Variants in ROBO1 observed in about 807,000 individuals in gnomAD.
ROBO1 encodes the protein roundabout guidance receptor 1, also known as roundabout homolog 1.
ROBO1 carries 149 observed loss-of-function variants against 195.9 expected under a neutral mutation model. That is an observed-to-expected ratio of 0.76 (90% CI 0.67 to 0.87). The LOEUF is 0.87. Among genes scored for constraint, ROBO1 ranks in the 40% least tolerant of loss-of-function variants. The pLI is 0.00. For missense variants in ROBO1, 1,933 were observed against 2,068.3 expected (o/e 0.93, Z 1.27); for synonymous variants, 816 against 733.2 (o/e 1.11, Z -1.82).
At chr3:79,334,354 A>G (rs950529972) in intron 2 of ROBO1, among the ~76,000 whole-genome samples, 2 of 146,352 alleles carry the variant, frequency 1.4e-5, no homozygotes, top group Admixed American at 6.9e-5. Flanking sequence ...GTATATATGT[A>G]TATATATATG....
chr3:79,000,005 T>G (rs1302853320), intron 3 of ROBO1, among the ~76,000 whole-genome samples: 1 of 152,154 alleles, frequency 6.6e-6, no homozygotes, highest in African/African-American at 2.4e-5. Context: ...TTCTAATTAT[T>G]CATATGCCTT....
At chr3:78,612,891 C>T (rs1226523106) in intron 28 of ROBO1, among the ~76,000 whole-genome samples, 1 of 152,106 alleles carries the variant, frequency 6.6e-6, no homozygotes, top group Non-Finnish European at 1.5e-5. Flanking sequence ...TTCAGATTAA[C>T]TTTTGGCTTC....
In ROBO1 at chr3:78,925,120, T is replaced by A. The variant is rs189904946; in HGVS notation, c.499+13481A>T. Reference sequence around the variant, plus strand: ...TAAACTTTTACACTATACATTTAGCTATAATGTTAATGAATACTTTTTTCT... The same window carrying A: ...TAAACTTTTACACTATACATTTAGCAATAATGTTAATGAATACTTTTTTCT... On this transcript the variant is annotated intron_variant, in intron 4 of 30. Coordinates refer to ENST00000464233, the MANE Select transcript of ROBO1 (RefSeq NM_002941.4). Among the ~76,000 whole-genome samples the A allele has an allele frequency of 3.6e-3, 541 of 152,292 alleles. 4 individuals are homozygous for A. The highest frequency in any genetic ancestry group is 0.012 in the African/African-American group (509 of 41,582).
At chr3:79,086,533 TAAG>T (rs1425318046) in intron 3 of ROBO1, among the ~76,000 whole-genome samples, 3 of 152,150 alleles carry the variant, frequency 2.0e-5, no homozygotes, top group East Asian at 1.9e-4. Context: ...ACATTATCTA[TAAG>T]AATACCTGAG....
At chr3:78,608,125 C>CT (rs1007316910) in intron 28 of ROBO1, among the ~76,000 whole-genome samples, 4 of 151,842 alleles carry the variant, frequency 2.6e-5, no homozygotes, top group Non-Finnish European at 5.9e-5. Flanking sequence ...AATTTCTTCC[C>CT]TTTTTTGGAG....
At chr3:79,736,172 G>A (rs1703378208) in intron 1 of ROBO1, among the ~76,000 whole-genome samples, 1 of 152,128 alleles carries the variant, frequency 6.6e-6, no homozygotes, top group Non-Finnish European at 1.5e-5. Flanking sequence ...AAAATCTGGA[G>A]AGAAGCATTT....
intron 3 of ROBO1, among the ~76,000 whole-genome samples, chr3:79,063,827 CTTT>C (rs1465287968): frequency 6.6e-6 from 1 of 151,568 alleles, no homozygotes; most frequent in Non-Finnish European, 1.5e-5. Context: ...AAAATGAAAA[CTTT>C]TTAAGGCACA....
chr3:79,439,807 CT>C (rs1229328203), intron 2 of ROBO1, among the ~76,000 whole-genome samples: 1 of 151,992 alleles, frequency 6.6e-6, no homozygotes, highest in African/African-American at 2.4e-5. Context: ...TATGTTCATT[CT>C]TAGTTGGAGA....
intron 2 of ROBO1, among the ~76,000 whole-genome samples, chr3:79,202,844 T>C (rs1358824480): frequency 6.6e-6 from 1 of 152,162 alleles, no homozygotes; most frequent in East Asian, 1.9e-4. Context: ...TTGTTTTTCA[T>C]TCACAAGCTA....
intron 7 of ROBO1, 42 bp from the exon 8 acceptor site, chr3:78,714,566 A>G (rs1294484394): frequency 3.8e-6 from 6 of 1,571,976 alleles, no homozygotes; most frequent in African/African-American, 1.4e-5. Flanking sequence ...GTGACTTTCT[A>G]CTTGAAAGAT....
chr3:78,961,575 T>C (rs1449749353), intron 3 of ROBO1, among the ~76,000 whole-genome samples: 3 of 152,180 alleles, frequency 2.0e-5, no homozygotes, highest in Admixed American at 6.5e-5. Flanking sequence ...CATTCTGAAG[T>C]GGGCACTATT....
At chr3:78,843,551 A>T (rs999803137) in intron 4 of ROBO1, among the ~76,000 whole-genome samples, 4 of 152,122 alleles carry the variant, frequency 2.6e-5, no homozygotes, top group Non-Finnish European at 4.4e-5. Context: ...ACAAACAGGT[A>T]TCAGATGAAC....
intron 3 of ROBO1, among the ~76,000 whole-genome samples, chr3:78,961,898 C>A (rs1366885437): frequency 6.6e-6 from 1 of 151,000 alleles, no homozygotes. Flanking sequence ...TTCATAGTCA[C>A]AGTACTTGGG....
chr3:79,191,830 T>C (rs529317271), intron 2 of ROBO1, among the ~76,000 whole-genome samples: 10 of 151,614 alleles, frequency 6.6e-5, no homozygotes, highest in African/African-American at 1.9e-4. Flanking sequence ...CTCCAAAACA[T>C]CACATTATTT....
chr3:79,173,467 G>A (rs1332058455), intron 2 of ROBO1, among the ~76,000 whole-genome samples: 1 of 152,096 alleles, frequency 6.6e-6, no homozygotes, highest in Non-Finnish European at 1.5e-5. Flanking sequence ...GCAATGAGGA[G>A]CTTAGCACCC....
intron 2 of ROBO1, among the ~76,000 whole-genome samples, chr3:79,236,815 G>T (rs1015845878): frequency 6.6e-6 from 1 of 152,116 alleles, no homozygotes; most frequent in African/African-American, 2.4e-5. Context: ...AGTTTAATTT[G>T]CTGACTGACA....
At chr3:79,748,766 G>A (rs1703985557) in intron 1 of ROBO1, among the ~76,000 whole-genome samples, 1 of 152,086 alleles carries the variant, frequency 6.6e-6, no homozygotes, top group Non-Finnish European at 1.5e-5. Context: ...CGAGCTCTTT[G>A]CTGTCATCCA....
At chr3:78,960,220 TATCTA>T (rs1450904949) in intron 3 of ROBO1, among the ~76,000 whole-genome samples, 1 of 151,968 alleles carries the variant, frequency 6.6e-6, no homozygotes, top group Non-Finnish European at 1.5e-5. Context: ...TTTTTAAACT[TATCTA>T]ATCAGAAATA....
intron 3 of ROBO1, among the ~76,000 whole-genome samples, chr3:78,956,411 ATTAC>A (rs953065321): frequency 6.6e-6 from 1 of 152,124 alleles, no homozygotes; most frequent in Admixed American, 6.6e-5. Flanking sequence ...AGGGAAATCT[ATTAC>A]TTAAACTATC....
Sources: gnomAD v4.1 joint callset for allele counts (sites outside exome capture counted in the v4.1 genomes callset) on GRCh38, gnomAD v4.1.1 for gene constraint, MANE v1.5 for transcripts, NCBI Gene and HGNC (gene_info 2026-07-23, HGNC 2026-07-21) for gene names.